C19orf12: variants seen among roughly 807,000 people sequenced by gnomAD.
C19orf12 encodes protein C19orf12.
In C19orf12, 2 loss-of-function variants were observed where a neutral mutation model predicts 3.8. The observed-to-expected ratio is 0.53, with a 90% CI of 0.22 to 1.66. The LOEUF (loss-of-function observed/expected upper bound fraction) is 1.66. Ranked by LOEUF, C19orf12 falls within the 40% of genes most tolerant of loss-of-function variation. The pLI is 0.20. For synonymous variants in C19orf12, 89 were observed against 84.6 expected, an observed-to-expected ratio of 1.05 and a Z score of -0.28; for missense variants, 156 against 188.8, an observed-to-expected ratio of 0.83 and a Z score of 1.02.
intron 1 of C19orf12, chr19:29,714,846 C>A: frequency 2.3e-6 from 1 of 444,252 alleles, no homozygotes; most frequent in Non-Finnish European, 4.5e-6. Context: ...CCCATGCCTA[C>A]GCCACTCCTG....
At chr19:29,713,254 C>T (rs11667762) in intron 1 of C19orf12, among the ~76,000 whole-genome samples, 15,509 of 146,318 alleles carry the variant, frequency 0.11, 1,061 homozygotes, top group South Asian at 0.18. Context: ...GAGTGTGGCT[C>T]CCCCTCCCCC....
At chr19:29,704,240 TG>T (rs550615116) in intron 2 of C19orf12, among the ~76,000 whole-genome samples, 152 of 152,068 alleles carry the variant, frequency 1.0e-3, no homozygotes, top group Admixed American at 2.2e-3. Context: ...GAGGCCGAGG[TG>T]GGCGAATCAC....
intron 2 of C19orf12, 124 bp from the exon 3 acceptor site, chr19:29,703,101 G>T (rs1347500576): frequency 3.0e-6 from 4 of 1,330,140 alleles, no homozygotes; most frequent in Admixed American, 3.8e-5. Flanking sequence ...GCTGCAGCGG[G>T]CTCAGCCGGT....
Position 29,700,392 on chromosome 19 carries a change from G to A in C19orf12, c.*2320C>T. 2 of 454,078 alleles carry A rather than the reference G, an allele frequency of 4.4e-6. No individual in the cohort carries two copies. Among genetic ancestry groups the A allele is most frequent in the Non-Finnish European group, 8.8e-6 (2 of 226,800 alleles). 28.1% of individuals were successfully genotyped at this position (454,078 alleles called of 1,614,324 possible). On this transcript the variant is annotated 3_prime_UTR_variant, in exon 3 of 3. Transcript: ENST00000323670. ...TTGAGGTTTCATTCTCACGATATCTGCAAATCAACGTTTTTTCCTTCACAC... is the reference window on the plus strand; with the variant it reads ...TTGAGGTTTCATTCTCACGATATCTACAAATCAACGTTTTTTCCTTCACAC...
At chr19:29,713,102 G>C (rs1401689242) in intron 1 of C19orf12, among the ~76,000 whole-genome samples, 1 of 152,200 alleles carries the variant, frequency 6.6e-6, no homozygotes, top group Non-Finnish European at 1.5e-5. Context: ...TTGCTAAAAA[G>C]CTCAGCTTCC....
At chr19:29,712,408 A>AC in intron 1 of C19orf12, among the ~76,000 whole-genome samples, 1 of 152,158 alleles carries the variant, frequency 6.6e-6, no homozygotes, top group East Asian at 1.9e-4. Context: ...CCGTCTCAAA[A>AC]AAAAAAGAAA....
At chr19:29,712,907 T>TA (rs1359213602) in intron 1 of C19orf12, among the ~76,000 whole-genome samples, 3 of 152,222 alleles carry the variant, frequency 2.0e-5, no homozygotes, top group African/African-American at 7.2e-5. Context: ...GGCCAGCAGC[T>TA]ATCACTGCGT....
At chr19:29,714,064 T>C (rs1285192631) in intron 1 of C19orf12, among the ~76,000 whole-genome samples, 1 of 152,126 alleles carries the variant, frequency 6.6e-6, no homozygotes, top group African/African-American at 2.4e-5. Flanking sequence ...GTGTTGTTGT[T>C]GTTTTTTCCA....
intron 2 of C19orf12, 117 bp from the exon 3 acceptor site, chr19:29,703,094 G>A (rs1599534938): frequency 1.4e-6 from 2 of 1,420,462 alleles, no homozygotes; most frequent in Non-Finnish European, 9.8e-7. Flanking sequence ...TGAGCGGGCT[G>A]CAGCGGGCTC....
rs1038087431 is a variant in C19orf12 at position 29,701,637 on chromosome 19, C to T, written c.*1075G>A. ...CTTAGAGATGGTTTATATCACACCA[C>T]TTCAGAAAGAGCAATACAGGCATAC... On this transcript the variant is annotated 3_prime_UTR_variant, in exon 3 of 3. Coordinates refer to ENST00000323670, the MANE Select transcript of C19orf12 (RefSeq NM_031448.6). 3 of 453,754 alleles carry T rather than the reference C, an allele frequency of 6.6e-6. No individual in the cohort carries two copies. The highest frequency in any genetic ancestry group is 4.4e-6 in the Non-Finnish European group (1 of 226,772). The allele number at this position is 453,754 out of a possible 1,614,324, so 28.1% of individuals were successfully genotyped here.
In C19orf12 at chr19:29,699,711, A is replaced by T. The variant is rs1339570600; in HGVS notation, c.*3001T>A. ...CTTTAAAACAGAGTTAAAGGAATAC[A>T]CATGAAATTGGTAACAGTGGCTGCC... is the stretch of plus-strand genomic sequence containing the variant. On this transcript the variant is annotated 3_prime_UTR_variant, in exon 3 of 3. Transcript: ENST00000323670. 2.2e-6 allele frequency: 1 copy of T among 454,130 alleles called. No homozygotes were observed. 28.1% of individuals were successfully genotyped at this position (454,130 alleles called of 1,614,324 possible). A position where few individuals can be genotyped will look rare whatever the true frequency, so the allele number is the denominator to read the frequency against.
Position 29,701,692 on chromosome 19 carries a change from G to A in C19orf12, c.*1020C>T. On this transcript the variant is annotated 3_prime_UTR_variant, in exon 3 of 3. Transcript: ENST00000323670. ...TTCTACTATGCTTTGTGAATACTGT[G>A]TTTTTTTTTTAAATTGAAGGTTTGT... 1 of 402,010 alleles carries A rather than the reference G, an allele frequency of 2.5e-6. No individual in the cohort carries two copies. Among genetic ancestry groups the A allele is most frequent in the South Asian group, 1.8e-5 (1 of 54,548 alleles). The allele number at this position is 402,010 out of a possible 1,614,324, so 24.9% of individuals were successfully genotyped here.
rs1971947229 is a variant in C19orf12, at chr19:29,699,320, T to TA, written c.*3391dup. ...GTCTCTACTAAAAATAAAAAAAAAATAAAAAAATAAAAATTAGCCGGGCAT... is the reference window on the plus strand; with the variant it reads ...GTCTCTACTAAAAATAAAAAAAAAATAAAAAAAATAAAAATTAGCCGGGCAT... On this transcript the variant is annotated 3_prime_UTR_variant, in exon 3 of 3. Coordinates refer to ENST00000323670, the MANE Select transcript of C19orf12 (RefSeq NM_031448.6). The TA allele has an allele frequency of 2.8e-6, 1 of 354,866 alleles. No individual in the cohort carries two copies. The highest frequency in any genetic ancestry group is 2.2e-5 in the South Asian group (1 of 44,684). 22.0% of individuals were successfully genotyped at this position (354,866 alleles called of 1,614,324 possible).
intron 1 of C19orf12, among the ~76,000 whole-genome samples, chr19:29,708,902 C>CA (rs1460873717): frequency 6.6e-6 from 1 of 152,200 alleles, no homozygotes; most frequent in East Asian, 1.9e-4. Context: ...CACTGACCTG[C>CA]AGTGGGCCCT....
At chr19:29,703,378 CTTTTT>C (rs1165470646) in intron 2 of C19orf12, among the ~76,000 whole-genome samples, 5 of 128,380 alleles carry the variant, frequency 3.9e-5, no homozygotes, top group African/African-American at 5.6e-5. Context: ...TTTTTCTTTT[CTTTTT>C]TTTTTTTTTT....
intron 1 of C19orf12, among the ~76,000 whole-genome samples, chr19:29,710,160 G>A (rs61388602): frequency 0.015 from 2,344 of 152,212 alleles, 55 homozygotes; most frequent in African/African-American, 0.054. Flanking sequence ...GTGGGCCACC[G>A]TACCCAGACA....
At chr19:29,715,412 G>A (rs1425219250), upstream of C19orf12, 2 of 411,428 alleles carry the variant, frequency 4.9e-6, no homozygotes, top group Admixed American at 2.6e-5. Flanking sequence ...CCACCCCGCC[G>A]CTGTCACCGG....
At position 29,703,454 on chromosome 19, in the gene C19orf12, C is replaced by T. The variant is rs111857835; in HGVS notation, c.161-477G>A. Among the ~76,000 whole-genome samples, 1,381 of 147,106 alleles carry T rather than the reference C, an allele frequency of 9.4e-3. 23 individuals carry two copies. The highest frequency in any genetic ancestry group is 0.033 in the African/African-American group (1,322 of 39,926). Reference sequence around the variant, plus strand: ...GGAGTGCAATGGCATGATCTTGGCTCGCTGCAACCTCTGCCTCCCAGGTTC... The same window carrying T: ...GGAGTGCAATGGCATGATCTTGGCTTGCTGCAACCTCTGCCTCCCAGGTTC... On this transcript the variant is annotated intron_variant, in intron 2 of 2. Transcript: ENST00000323670.
chr19:29,709,591 A>G (rs904174555), intron 1 of C19orf12, among the ~76,000 whole-genome samples: 3 of 145,432 alleles, frequency 2.1e-5, no homozygotes, highest in Non-Finnish European at 4.5e-5. Flanking sequence ...GTGCAGTGGC[A>G]TGATCACAAC....
Sources: allele counts gnomAD v4.1 joint callset (sites outside exome capture counted in the v4.1 genomes callset), GRCh38; gene constraint gnomAD v4.1.1; transcripts MANE v1.5; gene names NCBI Gene and HGNC (gene_info 2026-07-23, HGNC 2026-07-21).